The following ATP13A4 variants were observed in gnomAD, a reference collection of about 807,000 sequenced individuals.
The protein encoded by ATP13A4 is probable cation-transporting ATPase 13A4.
In ATP13A4, 114 loss-of-function variants were observed where a neutral mutation model predicts 142.5. That is an observed-to-expected ratio of 0.80 (90% confidence interval 0.69 to 0.93). The LOEUF is 0.93. Among genes scored for constraint, ATP13A4 ranks in the 40% least tolerant of loss-of-function variants. ATP13A4 has a pLI of 0.00. For synonymous variants in ATP13A4, 488 were observed against 514.8 expected (o/e 0.95, Z 0.70); for missense variants, 1,392 against 1,454.0 (o/e 0.96, Z 0.69).
intron 8 of ATP13A4, among the ~76,000 whole-genome samples, chr3:193,474,644 AAAGG>A (rs1412157346): frequency 1.4e-4 from 21 of 150,970 alleles, no homozygotes; most frequent in Non-Finnish European, 2.5e-4. Flanking sequence ...AGAAAGAAAG[AAAGG>A]AAGAAAGAAA....
intron 13 of ATP13A4, among the ~76,000 whole-genome samples, chr3:193,461,787 T>G (rs1717959186): frequency 6.6e-6 from 1 of 152,176 alleles, no homozygotes; most frequent in Admixed American, 6.5e-5. Flanking sequence ...ATGTTCTGAT[T>G]CCACGGGAGT....
intron 3 of ATP13A4, among the ~76,000 whole-genome samples, chr3:193,498,199 T>C (rs954306105): frequency 6.6e-6 from 1 of 152,110 alleles, no homozygotes; most frequent in East Asian, 1.9e-4. Flanking sequence ...TGTACAATTA[T>C]TATTTGTCAA....
In ATP13A4 at chr3:193,534,678, T is replaced by C. The variant is rs371938152; in HGVS notation, c.61-19807A>G. ...ACAAAAATAGTTGTCCAATATGAAC[T>C]ACAGAGATAAAGTAGCCTTTAAAAA... On this transcript the variant is annotated intron_variant, in intron 1 of 29. Coordinates refer to ENST00000342695, the MANE Select transcript of ATP13A4 (RefSeq NM_032279.4). 7.9e-5 allele frequency among the ~76,000 whole-genome samples: 12 copies of C among 152,200 alleles called. No homozygotes were observed. In the South Asian group the frequency reaches 2.5e-3, roughly 32 times the overall value.
Position 193,493,072 on chromosome 3 carries a change from C to T in ATP13A4, c.452+18G>A, listed in dbSNP as rs1720031154. ...ATAACATTTTTCTTCTTTGGCTGTA[C>T]TTGCTAAAACAACTTACCCAATTTT... On this transcript the variant is annotated intron_variant, in intron 4 of 29. Coordinates refer to ENST00000342695, the MANE Select transcript of ATP13A4 (RefSeq NM_032279.4). 1.2e-6 allele frequency: 2 copies of T among 1,611,338 alleles called. No homozygotes were observed. The highest frequency in any genetic ancestry group is 1.7e-5 in the Admixed American group (1 of 59,986).
At chr3:193,459,040 T>G in intron 14 of ATP13A4, 41 bp downstream of exon 14, 1 of 1,611,748 alleles carries the variant, frequency 6.2e-7, no homozygotes. Context: ...TGCTCTGGCA[T>G]TGAAGAAGCT....
intron 8 of ATP13A4, among the ~76,000 whole-genome samples, chr3:193,471,691 C>CACAT (rs1338575682): frequency 2.6e-5 from 4 of 152,070 alleles, no homozygotes; most frequent in African/African-American, 9.6e-5. Flanking sequence ...CACACACACA[C>CACAT]ACAAACACAA....
intron 17 of ATP13A4, among the ~76,000 whole-genome samples, chr3:193,452,242 C>T (rs1717321604): frequency 6.6e-6 from 1 of 152,204 alleles, no homozygotes; most frequent in Non-Finnish European, 1.5e-5. Context: ...CCCAATTCTG[C>T]TCTGTCCCTT....
At chr3:193,405,614 A>T (rs1327359760) in intron 29 of ATP13A4, among the ~76,000 whole-genome samples, 1 of 152,176 alleles carries the variant, frequency 6.6e-6, no homozygotes, top group African/African-American at 2.4e-5. Context: ...AGGAGAGTAG[A>T]AGAGAAAGGT....
intron 2 of ATP13A4, among the ~76,000 whole-genome samples, chr3:193,562,045 G>C (rs549289248): frequency 6.6e-6 from 1 of 152,260 alleles, no homozygotes; most frequent in African/African-American, 2.4e-5. Flanking sequence ...TTTGTTGGTT[G>C]CTCTGTTTGT....
At chr3:193,516,354 A>G (rs948748862) in intron 1 of ATP13A4, among the ~76,000 whole-genome samples, 2 of 152,226 alleles carry the variant, frequency 1.3e-5, no homozygotes, top group African/African-American at 4.8e-5. Context: ...CAAATTTGGC[A>G]TAACTGATAA....
intron 1 of ATP13A4, among the ~76,000 whole-genome samples, chr3:193,590,382 C>CA (rs1411751824): frequency 6.6e-6 from 1 of 151,814 alleles, no homozygotes; most frequent in Non-Finnish European, 1.5e-5. Context: ...AAATATACCG[C>CA]AAAAAAGCAG....
intron 1 of ATP13A4, among the ~76,000 whole-genome samples, chr3:193,527,698 A>G (rs1722090234): frequency 6.6e-6 from 1 of 150,900 alleles, no homozygotes; most frequent in African/African-American, 2.4e-5. Context: ...TTCACCTTCC[A>G]TCATGATTGT....
intron 1 of ATP13A4, among the ~76,000 whole-genome samples, chr3:193,515,645 T>C (rs1021323209): frequency 6.6e-6 from 1 of 152,180 alleles, no homozygotes; most frequent in Non-Finnish European, 1.5e-5. Flanking sequence ...CCCCAGAGGA[T>C]ACATACAAGA....
At chr3:193,456,540 T>C (rs1028833844) in intron 16 of ATP13A4, among the ~76,000 whole-genome samples, 6 of 152,076 alleles carry the variant, frequency 3.9e-5, no homozygotes, top group African/African-American at 1.2e-4. Flanking sequence ...CTAAAGAAAT[T>C]TGAGATTATA....
At chr3:193,474,743 A>G (rs1371229839) in intron 8 of ATP13A4, among the ~76,000 whole-genome samples, 5 of 151,052 alleles carry the variant, frequency 3.3e-5, no homozygotes, top group Admixed American at 2.0e-4. Context: ...AAAGAAAGAA[A>G]GAAAGGAAAA....
chr3:193,475,357 G>A (rs1220508352), intron 8 of ATP13A4, among the ~76,000 whole-genome samples: 2 of 151,980 alleles, frequency 1.3e-5, no homozygotes, highest in Non-Finnish European at 2.9e-5. Context: ...TGGTCCCTGG[G>A]AAACATAGTT....
upstream of ATP13A4, among the ~76,000 whole-genome samples, chr3:193,559,139 C>T (rs184538754): frequency 3.2e-3 from 485 of 152,200 alleles, 3 homozygotes; most frequent in South Asian, 5.0e-3. Context: ...TGTTAATTTC[C>T]ATCTTTCATC....
At chr3:193,553,416 G>C (rs1723700111) in intron 1 of ATP13A4, 1 of 152,076 alleles carries the variant, frequency 6.6e-6, no homozygotes, top group South Asian at 2.1e-4. Flanking sequence ...CTAAATGAGA[G>C]AGAAAAAAAA....
chr3:193,489,031 T>A (rs1378186729), intron 7 of ATP13A4, among the ~76,000 whole-genome samples: 1 of 152,156 alleles, frequency 6.6e-6, no homozygotes, highest in Non-Finnish European at 1.5e-5. Context: ...CAATTTTCTG[T>A]CTTATGGCTT....
Sources: gnomAD v4.1 joint callset for allele counts (sites outside exome capture counted in the v4.1 genomes callset) on GRCh38, gnomAD v4.1.1 for gene constraint, MANE v1.5 for transcripts, NCBI Gene and HGNC (gene_info 2026-07-23, HGNC 2026-07-21) for gene names.